SPAG16: variants seen among roughly 807,000 people sequenced by gnomAD.
SPAG16 encodes the protein sperm associated antigen 16, also known as sperm-associated antigen 16 protein.
A neutral mutation model predicts 80.4 loss-of-function variants in SPAG16; 86 were observed. The ratio of observed to expected loss-of-function variants is 1.07; its 90% CI spans 0.90 to 1.28. SPAG16 has a LOEUF of 1.28. Ranked by LOEUF, SPAG16 falls within the 50% of genes most tolerant of loss-of-function variation. The pLI is 0.00. For synonymous variants in SPAG16, 294 were observed against 265.9 expected (o/e 1.11, Z -1.03); for missense variants, 870 against 765.3 (o/e 1.14, Z -1.61).
chr2:213,474,518 C>T (rs1172184248), intron 9 of SPAG16, among the ~76,000 whole-genome samples: 1 of 152,148 alleles, frequency 6.6e-6, no homozygotes, highest in Admixed American at 6.5e-5. Flanking sequence ...AGTCACTTAA[C>T]TCCTTGCCTC....
At chr2:213,974,817 T>C (rs1351871982) in intron 12 of SPAG16, among the ~76,000 whole-genome samples, 2 of 151,910 alleles carry the variant, frequency 1.3e-5, no homozygotes, top group African/African-American at 4.8e-5. Context: ...GCTTGCCACA[T>C]AACCAGCAAA....
intron 13 of SPAG16, among the ~76,000 whole-genome samples, chr2:214,067,103 G>C (rs1403897823): frequency 6.6e-6 from 1 of 152,054 alleles, no homozygotes; most frequent in African/African-American, 2.4e-5. Flanking sequence ...GGTGCTGTTT[G>C]GTTCCATTCA....
Position 213,892,273 on chromosome 2 carries a change from C to T in SPAG16, c.1214+29645C>T, listed in dbSNP as rs746841394. On this transcript the variant is annotated intron_variant, in intron 11 of 15. Coordinates refer to ENST00000331683, the MANE Select transcript of SPAG16 (RefSeq NM_024532.5). ...GGCAAACCTGGGCTGAAGGCTACCA[C>T]CCAGAGCTGAAAAGGAGGTGATGAC... is the stretch of plus-strand genomic sequence containing the variant. 7.2e-5 allele frequency among the ~76,000 whole-genome samples: 11 copies of T among 152,120 alleles called. No homozygotes were observed. The South Asian group carries it at 1.0e-3, about 14-fold the overall frequency.
intron 15 of SPAG16, among the ~76,000 whole-genome samples, chr2:214,356,241 A>G (rs1035669881): frequency 1.3e-5 from 2 of 151,982 alleles, no homozygotes; most frequent in African/African-American, 4.8e-5. Flanking sequence ...AAAGAAAATG[A>G]TATACATTTT....
intron 15 of SPAG16, among the ~76,000 whole-genome samples, chr2:214,296,778 A>G (rs6708127): frequency 0.58 from 88,770 of 152,030 alleles, 27,026 homozygotes; most frequent in South Asian, 0.7. Flanking sequence ...GCCATCCCCA[A>G]TGTTGGAAAT....
At chr2:214,252,193 A>G (rs896739839) in intron 15 of SPAG16, among the ~76,000 whole-genome samples, 2 of 152,114 alleles carry the variant, frequency 1.3e-5, no homozygotes, top group African/African-American at 4.8e-5. Context: ...GAATGATGGT[A>G]TAAAGAACAC....
intron 15 of SPAG16, among the ~76,000 whole-genome samples, chr2:214,329,385 A>AAGTC (rs1243547010): frequency 6.6e-6 from 1 of 152,250 alleles, no homozygotes; most frequent in Non-Finnish European, 1.5e-5. Context: ...TAACCTTCAA[A>AAGTC]AGTCTTCATT....
At chr2:214,235,458 C>A (rs1489336244) in intron 15 of SPAG16, among the ~76,000 whole-genome samples, 1 of 152,040 alleles carries the variant, frequency 6.6e-6, no homozygotes, top group Admixed American at 6.6e-5. Flanking sequence ...TTTTCTTCCT[C>A]AAATAAATAA....
intron 10 of SPAG16, among the ~76,000 whole-genome samples, chr2:213,590,398 C>A (rs1479023394): frequency 6.7e-6 from 1 of 148,658 alleles, no homozygotes; most frequent in African/African-American, 2.5e-5. Flanking sequence ...TTGCATCTGA[C>A]AAAGGACTGA....
chr2:214,121,275 G>T (rs1306428273), intron 14 of SPAG16, among the ~76,000 whole-genome samples: 1 of 151,774 alleles, frequency 6.6e-6, no homozygotes, highest in Admixed American at 6.6e-5. Flanking sequence ...TTATAGCATT[G>T]TATCATTAGA....
chr2:213,325,992 A>C (rs1422137054), intron 5 of SPAG16, among the ~76,000 whole-genome samples: 1 of 151,836 alleles, frequency 6.6e-6, no homozygotes, highest in African/African-American at 2.4e-5. Context: ...TGCCCCTTTC[A>C]TGGCATTTAT....
chr2:213,833,583 TA>T lies in SPAG16; in HGVS notation c.1071-28901del, dbSNP rs1457042142. On this transcript the variant is annotated intron_variant, in intron 10 of 15. Coordinates refer to ENST00000331683, the MANE Select transcript of SPAG16 (RefSeq NM_024532.5). ...ATATATATAATATATATATAATATATATATTATATATATATAAAATCTCCTT... is the reference window on the plus strand; with the variant it reads ...ATATATATAATATATATATAATATATTATTATATATATATAAAATCTCCTT... 3.6e-5 allele frequency among the ~76,000 whole-genome samples: 2 copies of T among 56,092 alleles called. 1 individual carries two copies. The highest frequency in any genetic ancestry group is 6.0e-5 in the Non-Finnish European group (2 of 33,134). The allele number at this position is 56,092 out of a possible 152,430, so 36.8% of individuals were successfully genotyped here.
At chr2:214,250,155 G>T (rs1477483832) in intron 15 of SPAG16, 3 of 152,086 alleles carry the variant, frequency 2.0e-5, no homozygotes, top group Non-Finnish European at 4.4e-5. Flanking sequence ...TATTCACATG[G>T]CCATAACCCA....
intron 10 of SPAG16, among the ~76,000 whole-genome samples, chr2:213,498,952 A>G (rs2074618090): frequency 6.6e-6 from 1 of 152,064 alleles, no homozygotes; most frequent in South Asian, 2.1e-4. Flanking sequence ...CACTCCTCCA[A>G]CTTGAATTTA....
At chr2:214,304,337 G>A (rs867362908) in intron 15 of SPAG16, among the ~76,000 whole-genome samples, 1 of 152,194 alleles carries the variant, frequency 6.6e-6, no homozygotes, top group African/African-American at 2.4e-5. Flanking sequence ...TTACCGGAAT[G>A]AGGGCAAGGA....
intron 12 of SPAG16, among the ~76,000 whole-genome samples, chr2:213,959,042 G>A (rs143809565): frequency 2.0e-5 from 3 of 152,188 alleles, no homozygotes; most frequent in Admixed American, 6.5e-5. Flanking sequence ...GTTCGTTGAC[G>A]GTTTTTGTTT....
chr2:213,454,392 G>A (rs549476116), intron 9 of SPAG16, among the ~76,000 whole-genome samples: 62 of 151,940 alleles, frequency 4.1e-4, no homozygotes, highest in Non-Finnish European at 8.1e-4. Context: ...TAGTCTATAG[G>A]ATAATAACAA....
chr2:214,018,772 G>A (rs1477776606), intron 13 of SPAG16, among the ~76,000 whole-genome samples: 2 of 152,104 alleles, frequency 1.3e-5, no homozygotes, highest in East Asian at 3.8e-4. Context: ...GATGAAATGT[G>A]AAAATGACCA....
intron 9 of SPAG16, among the ~76,000 whole-genome samples, chr2:213,376,044 A>G (rs1005373594): frequency 6.6e-6 from 1 of 151,294 alleles, no homozygotes; most frequent in Non-Finnish European, 1.5e-5. Flanking sequence ...TATTTATACA[A>G]TAAAATAAAA....
Sources: gnomAD v4.1 joint callset for allele counts (sites outside exome capture counted in the v4.1 genomes callset) on GRCh38, gnomAD v4.1.1 for gene constraint, MANE v1.5 for transcripts, NCBI Gene and HGNC (gene_info 2026-07-23, HGNC 2026-07-21) for gene names.